Variants in CHL1 observed in about 807,000 individuals in gnomAD.
The protein encoded by CHL1 is neural cell adhesion molecule L1-like protein.
Under a neutral mutation model 141.9 loss-of-function variants are expected in CHL1, and 96 were observed. The observed-to-expected ratio is 0.68, with a 90% confidence interval of 0.57 to 0.80. The LOEUF is 0.80. Ranked by LOEUF, CHL1 falls within the 30% of genes least tolerant of loss-of-function variation. The pLI is 0.00. For synonymous variants in CHL1, 613 were observed against 502.2 expected (o/e 1.22, Z -2.95); for missense variants, 1,820 against 1,457.2 (o/e 1.25, Z -4.05).
chr3:254,058 G>A (rs983180124), intron 2 of CHL1, among the ~76,000 whole-genome samples: 2 of 152,178 alleles, frequency 1.3e-5, no homozygotes, highest in African/African-American at 2.4e-5. Flanking sequence ...TGCTCAGACC[G>A]ACCTTTGAGA....
At chr3:198,246 G>C (rs1698568751) in intron 1 of CHL1, among the ~76,000 whole-genome samples, 5 of 152,126 alleles carry the variant, frequency 3.3e-5, no homozygotes, top group Middle Eastern at 6.9e-3. Flanking sequence ...GGCGCCCCAG[G>C]TTCAGCCCCT....
At chr3:387,647 G>C (rs948039151) in intron 19 of CHL1, among the ~76,000 whole-genome samples, 7 of 152,148 alleles carry the variant, frequency 4.6e-5, no homozygotes, top group Non-Finnish European at 8.8e-5. Flanking sequence ...TGTCAGCAGA[G>C]ACTGAAGAAA....
At chr3:349,686 A>G in intron 10 of CHL1, 143 bp downstream of exon 10, 3 of 682,966 alleles carry the variant, frequency 4.4e-6, no homozygotes, top group East Asian at 2.6e-5. Context: ...GAATTATATT[A>G]CACTTCAACT....
chr3:361,955 G>A (rs775927059), intron 13 of CHL1, 145 bp downstream of exon 13: 84 of 582,796 alleles, frequency 1.4e-4, no homozygotes, highest in Non-Finnish European at 1.9e-4. Flanking sequence ...CAAACTTACC[G>A]GTCCAGGAAA....
chr3:294,842 T>A (rs529104381), intron 2 of CHL1, among the ~76,000 whole-genome samples: 1 of 152,248 alleles, frequency 6.6e-6, no homozygotes, highest in African/African-American at 2.4e-5. Context: ...TGGCAATACA[T>A]GCCTAATTGG....
intron 1 of CHL1, among the ~76,000 whole-genome samples, chr3:219,897 A>G (rs1700672965): frequency 6.6e-6 from 1 of 152,232 alleles, no homozygotes; most frequent in African/African-American, 2.4e-5. Context: ...CAAAATACAT[A>G]CTAAGATAGA....
At chr3:236,796 C>G (rs184858696) in intron 1 of CHL1, among the ~76,000 whole-genome samples, 1 of 145,828 alleles carries the variant, frequency 6.9e-6, no homozygotes, top group Admixed American at 6.7e-5. Context: ...ATCCCATGGC[C>G]CCAGCCTCTT....
intron 2 of CHL1, among the ~76,000 whole-genome samples, chr3:312,743 T>C (rs1453128539): frequency 6.6e-6 from 1 of 152,186 alleles, no homozygotes; most frequent in Non-Finnish European, 1.5e-5. Flanking sequence ...ATAAGACATC[T>C]TGCTTGATGC....
At chr3:338,868 C>T (rs564970523) in intron 5 of CHL1, among the ~76,000 whole-genome samples, 222 of 152,302 alleles carry the variant, frequency 1.5e-3, no homozygotes, top group African/African-American at 4.9e-3. Context: ...GATAATGCTT[C>T]AGTGGCAGTA....
chr3:391,828 G>T (rs770360960), intron 23 of CHL1, 31 bp downstream of exon 23: 1 of 1,536,504 alleles, frequency 6.5e-7, no homozygotes, highest in Non-Finnish European at 8.9e-7. Context: ...GAGTTAACTT[G>T]TTAATGTTTC....
chr3:245,085 C>T (rs1018934813), intron 2 of CHL1, among the ~76,000 whole-genome samples: 2 of 152,048 alleles, frequency 1.3e-5, no homozygotes, highest in African/African-American at 4.8e-5. Flanking sequence ...GTGAGAAAAC[C>T]TGTATTTTCA....
At position 382,527 on chromosome 3, in the gene CHL1, C is replaced by T; in HGVS notation, c.2032C>T (p.Leu678=). The stretch of plus-strand genomic sequence containing the variant: ...AGAAGAGCCTGGAAGGTGGGAGGAA[C>T]TGACCAGAGTCCAAGGAAAGAAAAC... ...NKEEPGRWEE[L]TRVQGKKTTV... Residue 678 remains leucine (L), a synonymous_variant, in exon 18 of 28, where the codon CTG becomes TTG. Transcript: ENST00000256509. The T allele has an allele frequency of 1.2e-5, 20 of 1,613,800 alleles. No individual in the cohort carries two copies. Among genetic ancestry groups the T allele is most frequent in the Non-Finnish European group, 1.7e-5 (20 of 1,179,802 alleles).
chr3:299,690 C>T (rs1466786406), intron 2 of CHL1, among the ~76,000 whole-genome samples: 1 of 152,118 alleles, frequency 6.6e-6, no homozygotes, highest in Non-Finnish European at 1.5e-5. Flanking sequence ...AAACCCATCC[C>T]TCTCCATGAC....
rs1431817777 is a variant in CHL1 at position 294,690 on chromosome 3, C to T, written c.-94-24993C>T. Among the ~76,000 whole-genome samples, 4 of 86,680 alleles carry T rather than the reference C, an allele frequency of 4.6e-5. No homozygotes were observed. In the East Asian group the frequency reaches 1.1e-3, roughly 23 times the overall value. The allele number at this position is 86,680 out of a possible 152,430, so 56.9% of individuals were successfully genotyped here. A position where few individuals can be genotyped will look rare whatever the true frequency, so the allele number is the denominator to read the frequency against. ...TTATATTAGTAACAGTACAGGCATG[C>T]CCATAACAAAAAATGGAAACTAATA... On this transcript the variant is annotated intron_variant, in intron 2 of 27. Coordinates refer to ENST00000256509, the MANE Select transcript of CHL1 (RefSeq NM_006614.4).
chr3:262,603 G>C (rs372044102), intron 2 of CHL1, among the ~76,000 whole-genome samples: 1 of 152,130 alleles, frequency 6.6e-6, no homozygotes, highest in Non-Finnish European at 1.5e-5. Flanking sequence ...ACATTTAAAT[G>C]CTAAGGGATG....
At chr3:363,796 T>G (rs954102836) in intron 14 of CHL1, 4 of 157,236 alleles carry the variant, frequency 2.5e-5, no homozygotes, top group South Asian at 1.9e-4. Flanking sequence ...ATGAGGAGGG[T>G]TTTTGATCCT....
intron 19 of CHL1, chr3:385,909 A>G (rs1394504261): frequency 6.6e-6 from 1 of 151,840 alleles, no homozygotes; most frequent in Non-Finnish European, 1.5e-5. Context: ...GACTAGAGGA[A>G]GGAAGTAGTC....
At chr3:207,464 T>A (rs1699536829) in intron 1 of CHL1, among the ~76,000 whole-genome samples, 1 of 152,198 alleles carries the variant, frequency 6.6e-6, no homozygotes, top group Non-Finnish European at 1.5e-5. Flanking sequence ...ATGCATCTGA[T>A]GACATAGTGG....
At chr3:353,693 T>C (rs1182718165) in intron 10 of CHL1, among the ~76,000 whole-genome samples, 1 of 152,198 alleles carries the variant, frequency 6.6e-6, no homozygotes, top group Non-Finnish European at 1.5e-5. Flanking sequence ...TTTAATGATA[T>C]TTTTTCATTG....
Sources: gnomAD v4.1 joint callset for allele counts (sites outside exome capture counted in the v4.1 genomes callset) on GRCh38, gnomAD v4.1.1 for gene constraint, MANE v1.5 for transcripts, NCBI Gene and HGNC (gene_info 2026-07-23, HGNC 2026-07-21) for gene names.